VRK2: variants seen among roughly 807,000 people sequenced by gnomAD.
VRK2 encodes the protein serine/threonine-protein kinase VRK2.
In VRK2, 60 loss-of-function variants were observed where a neutral mutation model predicts 57.6. That is an observed-to-expected ratio of 1.04 (90% CI 0.85 to 1.29). The LOEUF (loss-of-function observed/expected upper bound fraction) is 1.29, where lower values mean the gene tolerates loss of function less well. Ranked by LOEUF, VRK2 falls within the 50% of genes most tolerant of loss-of-function variation. VRK2 has a pLI of 0.00. For synonymous variants in VRK2, 231 were observed against 199.2 expected (o/e 1.16, Z -1.35); for missense variants, 705 against 588.1 (o/e 1.20, Z -2.06).
intron 11 of VRK2, among the ~76,000 whole-genome samples, chr2:58,141,654 A>G (rs1444618587): frequency 1.3e-5 from 2 of 152,024 alleles, no homozygotes; most frequent in African/African-American, 4.8e-5. Context: ...TTAAGTGCAT[A>G]CATATATTTA....
intron 1 of VRK2, among the ~76,000 whole-genome samples, chr2:58,002,162 G>C (rs1374763421): frequency 6.6e-6 from 1 of 152,102 alleles, no homozygotes; most frequent in Non-Finnish European, 1.5e-5. Flanking sequence ...TTCTGGTGAG[G>C]AAGTAAATCT....
intron 1 of VRK2, chr2:58,017,885 G>A (rs570952794): frequency 1.3e-5 from 2 of 152,236 alleles, no homozygotes; most frequent in African/African-American, 4.8e-5. Context: ...TTCTTAAGCT[G>A]ATACTTGATA....
In VRK2 at chr2:58,135,170, T is replaced by G. The variant is rs1469220987; in HGVS notation, c.827T>G (p.Leu276Arg). Residue 276 changes from leucine (L) to arginine (R), a missense_variant, in exon 10 of 13, where the codon CTT becomes CGT. Coordinates refer to ENST00000340157, the MANE Select transcript of VRK2 (RefSeq NM_006296.7). ...NLLDELPQSV[L>R]KWAPSGSSCC... Reference sequence around the variant, plus strand: ...TTGGACGAGCTCCCCCAGTCAGTGCTTAAATGGGCTCCTTCTGGAAGCAGT... The same window carrying G: ...TTGGACGAGCTCCCCCAGTCAGTGCGTAAATGGGCTCCTTCTGGAAGCAGT... The G allele has an allele frequency of 3.7e-6, 6 of 1,614,226 alleles. No individual in the cohort carries two copies. The highest frequency in any genetic ancestry group is 8.5e-7 in the Non-Finnish European group (1 of 1,180,028).
At chr2:58,013,789 G>A (rs988957491) in intron 1 of VRK2, among the ~76,000 whole-genome samples, 2 of 149,762 alleles carry the variant, frequency 1.3e-5, no homozygotes, top group Non-Finnish European at 1.5e-5. Flanking sequence ...AACCCGGAAG[G>A]CGGAGCTTGC....
chr2:57,971,012 T>C (rs1672079765), intron 1 of VRK2, among the ~76,000 whole-genome samples: 2 of 152,180 alleles, frequency 1.3e-5, no homozygotes, highest in South Asian at 4.1e-4. Flanking sequence ...ATTATTTACA[T>C]GTTGCTCTAT....
intron 1 of VRK2, among the ~76,000 whole-genome samples, chr2:57,928,060 T>C (rs1024043404): frequency 6.6e-6 from 1 of 152,194 alleles, no homozygotes; most frequent in Non-Finnish European, 1.5e-5. Context: ...TACTTGACTT[T>C]TGATGTCTTT....
intron 3 of VRK2, among the ~76,000 whole-genome samples, chr2:58,035,958 T>C (rs528471799): frequency 7.9e-5 from 12 of 152,196 alleles, no homozygotes; most frequent in African/African-American, 2.6e-4. Flanking sequence ...AAGACAGAAC[T>C]TCCGTTACTA....
At chr2:58,023,132 C>T (rs982748658) in intron 1 of VRK2, among the ~76,000 whole-genome samples, 5 of 152,266 alleles carry the variant, frequency 3.3e-5, no homozygotes, top group Non-Finnish European at 5.9e-5. Flanking sequence ...AGAATAACTC[C>T]ACATATCCCT....
chr2:58,063,866 C>G (rs1051341050), intron 2 of VRK2, among the ~76,000 whole-genome samples: 16 of 152,078 alleles, frequency 1.1e-4, no homozygotes, highest in Non-Finnish European at 2.4e-4. Flanking sequence ...ATTCATGATT[C>G]AGGGAAGGAG....
At chr2:57,987,035 C>T (rs1572939625) in intron 1 of VRK2, among the ~76,000 whole-genome samples, 1 of 152,096 alleles carries the variant, frequency 6.6e-6, no homozygotes, top group African/African-American at 2.4e-5. Context: ...TCCTACCTCA[C>T]ACCATATACA....
chr2:58,049,266 A>G (rs544445274), intron 2 of VRK2, among the ~76,000 whole-genome samples: 1 of 152,300 alleles, frequency 6.6e-6, no homozygotes, highest in Admixed American at 6.5e-5. Flanking sequence ...TCTTAGAAAC[A>G]TGCTTTTTTC....
intron 1 of VRK2, among the ~76,000 whole-genome samples, chr2:57,939,128 T>A (rs1230137638): frequency 1.3e-5 from 2 of 152,204 alleles, no homozygotes; most frequent in Non-Finnish European, 2.9e-5. Context: ...AAACAGAATG[T>A]ATACATGCTT....
At chr2:57,945,070 C>G (rs1671220146) in intron 1 of VRK2, among the ~76,000 whole-genome samples, 1 of 152,114 alleles carries the variant, frequency 6.6e-6, no homozygotes, top group African/African-American at 2.4e-5. Flanking sequence ...TGGGAATACT[C>G]TGGAATAACT....
intron 1 of VRK2, among the ~76,000 whole-genome samples, chr2:57,961,482 A>G (rs1246401073): frequency 6.6e-6 from 1 of 152,194 alleles, no homozygotes; most frequent in African/African-American, 2.4e-5. Context: ...TTGACAAGTC[A>G]CACAGCTAGG....
At chr2:57,943,116 C>A (rs964705976) in intron 1 of VRK2, among the ~76,000 whole-genome samples, 2 of 152,152 alleles carry the variant, frequency 1.3e-5, no homozygotes, top group Admixed American at 6.5e-5. Flanking sequence ...TTTTTATAAT[C>A]CTACTGCATA....
At position 58,159,539 on chromosome 2, in the gene VRK2, G is replaced by A; in HGVS notation, c.1373G>A (p.Ser458Asn). The A allele has an allele frequency of 1.2e-6, 2 of 1,613,760 alleles. No individual in the cohort carries two copies. Among genetic ancestry groups the A allele is most frequent in the South Asian group, 2.2e-5 (2 of 91,058 alleles). The change falls in exon 13 of 13, where the codon AGC becomes AAC. Residue 458 changes from serine (S) to asparagine (N), a missense_variant. Transcript: ENST00000340157. Reference sequence around the variant, plus strand: ...TGGTATAAATACACTTCCACAGTCAGCACGGGGATCACAGACTTAGAAAGT... The same window carrying A: ...TGGTATAAATACACTTCCACAGTCAACACGGGGATCACAGACTTAGAAAGT... Reference protein sequence around the residue: ...PSWYKYTSTVSTGITDLESST... With the variant: ...PSWYKYTSTVNTGITDLESST...
At chr2:57,915,140 C>T (rs1427937456) in intron 1 of VRK2, among the ~76,000 whole-genome samples, 2 of 151,940 alleles carry the variant, frequency 1.3e-5, no homozygotes, top group Non-Finnish European at 2.9e-5. Flanking sequence ...GTTCTATCTC[C>T]GAATAGGAAT....
Position 58,072,326 on chromosome 2 carries a change from A to G in VRK2, c.137-11763A>G, listed in dbSNP as rs543539500. Among the ~76,000 whole-genome samples the G allele has an allele frequency of 7.9e-5, 12 of 152,076 alleles. No individual in the cohort carries two copies. The South Asian group carries it at 2.5e-3, about 31-fold the overall frequency. On this transcript the variant is annotated intron_variant, in intron 2 of 12. Transcript: ENST00000340157. The stretch of plus-strand genomic sequence containing the variant: ...TATGATATTGAATAGAAGTGAGAGG[A>G]GACATCCTTGCTTTGTTCCCAGTCT...
chr2:58,136,388 A>ATT (rs34101779), intron 10 of VRK2, among the ~76,000 whole-genome samples: 13 of 142,786 alleles, frequency 9.1e-5, no homozygotes, highest in African/African-American at 2.3e-4. Context: ...TCTTAATGGC[A>ATT]TTTTTTTTTT....
Sources: allele counts gnomAD v4.1 joint callset (sites outside exome capture counted in the v4.1 genomes callset), GRCh38; gene constraint gnomAD v4.1.1; transcripts MANE v1.5; gene names NCBI Gene and HGNC (gene_info 2026-07-23, HGNC 2026-07-21).